ROBO2: variants seen among roughly 807,000 people sequenced by gnomAD.
The protein encoded by ROBO2 is roundabout guidance receptor 2.
A neutral mutation model predicts 160.8 loss-of-function variants in ROBO2; 53 were observed. That is an observed-to-expected ratio of 0.33 (90% confidence interval 0.26 to 0.41). The LOEUF (loss-of-function observed/expected upper bound fraction) is 0.41, where lower values mean the gene tolerates loss of function less well. ROBO2 is among the 10% of genes least tolerant of loss of function. The pLI, the probability that ROBO2 is intolerant of heterozygous loss-of-function variation, is 1.00. For missense variants in ROBO2, 1,577 were observed against 1,722.4 expected, an observed-to-expected ratio of 0.92 and a Z score of 1.49; for synonymous variants, 664 against 611.7, an observed-to-expected ratio of 1.09 and a Z score of -1.26.
At chr3:77,645,240 A>C (rs1012150325) in intron 25 of ROBO2, among the ~76,000 whole-genome samples, 14 of 152,184 alleles carry the variant, frequency 9.2e-5, no homozygotes, top group Non-Finnish European at 2.1e-4. Context: ...AAATGGAGAC[A>C]CTGGCCTTTT....
chr3:77,454,120 CTTT>C (rs36018732), intron 2 of ROBO2, among the ~76,000 whole-genome samples: 1 of 139,664 alleles, frequency 7.2e-6, no homozygotes, highest in Non-Finnish European at 1.6e-5. Context: ...TTACTCTGGG[CTTT>C]TTTTTTTTTT....
At chr3:77,518,621 T>A (rs954166438) in intron 5 of ROBO2, among the ~76,000 whole-genome samples, 1 of 151,498 alleles carries the variant, frequency 6.6e-6, no homozygotes, top group Non-Finnish European at 1.5e-5. Flanking sequence ...TGTGGAGACA[T>A]CATTTCACTA....
At chr3:76,655,821 T>C (rs2109969743) in intron 2 of ROBO2, among the ~76,000 whole-genome samples, 1 of 151,698 alleles carries the variant, frequency 6.6e-6, no homozygotes, top group Admixed American at 6.6e-5. Context: ...TTGGAATACA[T>C]CATAAACTAG....
intron 2 of ROBO2, among the ~76,000 whole-genome samples, chr3:75,997,636 C>T (rs774401835): frequency 2.6e-4 from 40 of 151,832 alleles, no homozygotes; most frequent in Admixed American, 7.2e-4. Context: ...GGACTACAGG[C>T]GCCCGCCACC....
At chr3:77,409,033 A>G (rs1264933507) in intron 2 of ROBO2, among the ~76,000 whole-genome samples, 2 of 151,282 alleles carry the variant, frequency 1.3e-5, no homozygotes, top group Non-Finnish European at 2.9e-5. Flanking sequence ...CATACCTGGA[A>G]TCCATCTTTT....
intron 2 of ROBO2, among the ~76,000 whole-genome samples, chr3:76,402,144 A>AT (rs1022141897): frequency 6.6e-6 from 1 of 151,418 alleles, no homozygotes; most frequent in African/African-American, 2.4e-5. Context: ...TTTACTTGTG[A>AT]TTTTTTTATT....
intron 2 of ROBO2, among the ~76,000 whole-genome samples, chr3:76,886,272 A>G (rs951173861): frequency 1.5e-5 from 2 of 137,802 alleles, no homozygotes; most frequent in Admixed American, 7.8e-5. Context: ...ATATATATAT[A>G]TATAGACCCT....
At chr3:77,257,263 G>A (rs2058478854) in intron 2 of ROBO2, among the ~76,000 whole-genome samples, 1 of 152,208 alleles carries the variant, frequency 6.6e-6, no homozygotes, top group Non-Finnish European at 1.5e-5. Flanking sequence ...CGGCTTTCCA[G>A]CAAACAAGAT....
intron 2 of ROBO2, among the ~76,000 whole-genome samples, chr3:76,576,384 A>G (rs1203814842): frequency 1.3e-5 from 2 of 152,068 alleles, no homozygotes; most frequent in East Asian, 3.9e-4. Flanking sequence ...TGATACTCTC[A>G]CTACTGGCAA....
intron 2 of ROBO2, among the ~76,000 whole-genome samples, chr3:77,230,064 AG>A (rs1380093812): frequency 2.6e-5 from 4 of 151,752 alleles, no homozygotes; most frequent in Non-Finnish European, 5.9e-5. Flanking sequence ...CTTTTACTCT[AG>A]GGTTGTTACT....
intron 16 of ROBO2, among the ~76,000 whole-genome samples, chr3:77,581,644 T>G (rs1177554395): frequency 6.6e-6 from 1 of 152,180 alleles, no homozygotes; most frequent in Non-Finnish European, 1.5e-5. Flanking sequence ...TTTTTCTTTG[T>G]GTAAATTTAC....
chr3:77,598,653 A>G (rs1198091294), intron 19 of ROBO2, among the ~76,000 whole-genome samples: 1 of 150,950 alleles, frequency 6.6e-6, no homozygotes, highest in Non-Finnish European at 1.5e-5. Context: ...AAGCCAACAC[A>G]CCCCACTTAG....
intron 2 of ROBO2, among the ~76,000 whole-genome samples, chr3:77,262,573 C>T (rs2058843474): frequency 6.6e-6 from 1 of 151,930 alleles, no homozygotes; most frequent in South Asian, 2.1e-4. Flanking sequence ...TGGCAGGGCC[C>T]CAGCTTCAAG....
intron 2 of ROBO2, among the ~76,000 whole-genome samples, chr3:76,948,537 T>C (rs1295099520): frequency 6.6e-6 from 1 of 151,110 alleles, no homozygotes; most frequent in Non-Finnish European, 1.5e-5. Context: ...TTGTACTTAA[T>C]CTGATGTTCC....
chr3:76,798,190 A>AGAG (rs2063863427), intron 2 of ROBO2, among the ~76,000 whole-genome samples: 3 of 149,602 alleles, frequency 2.0e-5, no homozygotes, highest in African/African-American at 7.4e-5. Context: ...GAAAGAAAGA[A>AGAG]AAAGAAGAAA....
rs528758785 is a variant in ROBO2, at chr3:76,345,139, G to T, written c.109+407537G>T. Among the ~76,000 whole-genome samples the T allele has an allele frequency of 2.0e-5, 3 of 152,160 alleles. No homozygotes were observed. In the South Asian group the frequency reaches 6.2e-4, roughly 32 times the overall value. On this transcript the variant is annotated intron_variant, in intron 2 of 26. Coordinates refer to the ROBO2 transcript ENST00000487694. ...TAAGCAAGGTTTTGGAGAGAAAAAA[G>T]AAAAGAACTTAGGATACAAGGAGGT... is the stretch of plus-strand genomic sequence containing the variant.
At chr3:77,591,282 G>A (rs1027990147) in intron 17 of ROBO2, among the ~76,000 whole-genome samples, 30 of 152,210 alleles carry the variant, frequency 2.0e-4, no homozygotes, top group African/African-American at 7.2e-4. Context: ...AGCTTATCGG[G>A]AAAGGGAATG....
At chr3:76,055,528 A>G (rs772474442) in intron 2 of ROBO2, among the ~76,000 whole-genome samples, 3 of 151,174 alleles carry the variant, frequency 2.0e-5, no homozygotes, top group African/African-American at 4.9e-5. Flanking sequence ...TTCAGTGTCT[A>G]TTATCTCCAT....
intron 1 of ROBO2, among the ~76,000 whole-genome samples, chr3:75,917,205 C>G (rs961545614): frequency 1.3e-5 from 2 of 152,128 alleles, no homozygotes; most frequent in African/African-American, 4.8e-5. Flanking sequence ...CACCCACCGA[C>G]AGGCCCCAGT....
Sources: allele counts gnomAD v4.1 joint callset (sites outside exome capture counted in the v4.1 genomes callset), GRCh38; gene constraint gnomAD v4.1.1; transcripts MANE v1.5; gene names NCBI Gene and HGNC (gene_info 2026-07-23, HGNC 2026-07-21).